Variants in FBXO11 observed in about 807,000 individuals in gnomAD.
FBXO11 encodes F-box only protein 11.
A neutral mutation model predicts 117.0 loss-of-function variants in FBXO11; 13 were observed. That is an observed-to-expected ratio of 0.11 (90% CI 0.07 to 0.18). FBXO11 has a LOEUF of 0.18. Ranked by LOEUF, FBXO11 falls within the 10% of genes least tolerant of loss-of-function variation. The pLI is 1.00. For missense variants in FBXO11, 767 were observed against 1,164.4 expected, an observed-to-expected ratio of 0.66 and a Z score of 4.97; for synonymous variants, 490 against 380.5, an observed-to-expected ratio of 1.29 and a Z score of -3.35.
chr2:47,841,730 T>G (rs1377304969), intron 1 of FBXO11, among the ~76,000 whole-genome samples: 1 of 152,122 alleles, frequency 6.6e-6, no homozygotes, highest in Non-Finnish European at 1.5e-5. Context: ...AACCTCCACC[T>G]CCTGGGTTCA....
At chr2:47,824,240 C>A (rs1466300763) in intron 11 of FBXO11, among the ~76,000 whole-genome samples, 1 of 152,192 alleles carries the variant, frequency 6.6e-6, no homozygotes, top group African/African-American at 2.4e-5. Context: ...GGCCTCCCAG[C>A]ACTTTGGAAG....
At chr2:47,853,409 T>C (rs966138019) in intron 1 of FBXO11, among the ~76,000 whole-genome samples, 1 of 152,206 alleles carries the variant, frequency 6.6e-6, no homozygotes, top group Non-Finnish European at 1.5e-5. Flanking sequence ...TTACATGTCA[T>C]ATTTTATTCA....
chr2:47,879,869 G>C (rs1045310505), intron 1 of FBXO11, among the ~76,000 whole-genome samples: 1 of 152,148 alleles, frequency 6.6e-6, no homozygotes, highest in Admixed American at 6.5e-5. Flanking sequence ...TTGTCTTTTT[G>C]TGACTGGCTT....
intron 1 of FBXO11, among the ~76,000 whole-genome samples, chr2:47,882,368 C>T (rs566452134): frequency 7.2e-5 from 11 of 152,202 alleles, no homozygotes; most frequent in African/African-American, 2.6e-4. Context: ...TGAAAGGAAT[C>T]TTTAAGATCT....
intron 1 of FBXO11, among the ~76,000 whole-genome samples, chr2:47,848,060 C>T (rs1453212411): frequency 1.3e-5 from 2 of 150,056 alleles, no homozygotes; most frequent in Non-Finnish European, 3.0e-5. Context: ...GGAGGTGGAG[C>T]TTGCAGTGAG....
intron 1 of FBXO11, among the ~76,000 whole-genome samples, chr2:47,843,375 A>T (rs1390040270): frequency 2.7e-5 from 4 of 150,172 alleles, no homozygotes; most frequent in African/African-American, 7.3e-5. Context: ...GTGGTGGTTT[A>T]TTCATTGGCT....
At chr2:47,852,958 C>A (rs370244771) in intron 1 of FBXO11, among the ~76,000 whole-genome samples, 36 of 152,098 alleles carry the variant, frequency 2.4e-4, no homozygotes, top group African/African-American at 8.7e-4. Flanking sequence ...CTCTTAATCT[C>A]TGTTATACAA....
intron 1 of FBXO11, among the ~76,000 whole-genome samples, chr2:47,863,218 T>C (rs1276489294): frequency 1.3e-5 from 2 of 152,182 alleles, no homozygotes; most frequent in African/African-American, 2.4e-5. Context: ...TATAGTAGTC[T>C]CAAGTTAAAA....
At chr2:47,857,714 C>T (rs541705395) in intron 1 of FBXO11, among the ~76,000 whole-genome samples, 3 of 152,196 alleles carry the variant, frequency 2.0e-5, no homozygotes, top group South Asian at 2.1e-4. Context: ...AGCTTTGTCA[C>T]GAGAAGTCAC....
intron 1 of FBXO11, among the ~76,000 whole-genome samples, chr2:47,898,373 C>G (rs1275786436): frequency 6.6e-6 from 1 of 152,106 alleles, no homozygotes; most frequent in African/African-American, 2.4e-5. Context: ...AGAAACACAC[C>G]AAACCATGGT....
chr2:47,880,361 G>A (rs1460026288), intron 1 of FBXO11, among the ~76,000 whole-genome samples: 2 of 152,084 alleles, frequency 1.3e-5, no homozygotes, highest in Admixed American at 6.5e-5. Context: ...ATTATAAGAA[G>A]ACTTCTACTT....
chr2:47,881,948 A>G (rs1676461526), intron 1 of FBXO11, among the ~76,000 whole-genome samples: 1 of 152,148 alleles, frequency 6.6e-6, no homozygotes, highest in Non-Finnish European at 1.5e-5. Flanking sequence ...GGGTTTCACC[A>G]TGATGGCCAG....
chr2:47,854,646 A>T (rs993882979), intron 1 of FBXO11, among the ~76,000 whole-genome samples: 4 of 152,204 alleles, frequency 2.6e-5, no homozygotes, highest in Middle Eastern at 3.4e-3. Context: ...AATTAATTAG[A>T]ATTATGTGGA....
At chr2:47,819,210 A>G (rs1671209785) in intron 14 of FBXO11, 132 bp from the exon 15 acceptor site, 1 of 787,120 alleles carries the variant, frequency 1.3e-6, no homozygotes, top group South Asian at 1.9e-5. Flanking sequence ...GGTAATGGCA[A>G]TATTCTTTTG....
At chr2:47,863,011 C>T (rs774156666) in intron 1 of FBXO11, among the ~76,000 whole-genome samples, 18 of 149,554 alleles carry the variant, frequency 1.2e-4, no homozygotes, top group South Asian at 8.4e-4. Flanking sequence ...GCTGAGATCG[C>T]GCCATCACAC....
chr2:47,843,431 C>CTT (rs201381675), intron 1 of FBXO11, among the ~76,000 whole-genome samples: 1 of 138,942 alleles, frequency 7.2e-6, no homozygotes, highest in Admixed American at 7.3e-5. Context: ...TGTAGTTAAT[C>CTT]TTTTTTTTTT....
At chr2:47,825,206 T>C (rs937155741) in intron 11 of FBXO11, among the ~76,000 whole-genome samples, 1 of 152,182 alleles carries the variant, frequency 6.6e-6, no homozygotes, top group African/African-American at 2.4e-5. Flanking sequence ...CAAAAGTAGT[T>C]TTCAGACTTC....
chr2:47,830,642 T>C (rs891404831), intron 11 of FBXO11, among the ~76,000 whole-genome samples: 2 of 152,200 alleles, frequency 1.3e-5, no homozygotes, highest in Admixed American at 1.3e-4. Context: ...GAAATATCTA[T>C]CTATAGCATT....
At chr2:47,856,541 G>C (rs961884745) in intron 1 of FBXO11, among the ~76,000 whole-genome samples, 3 of 152,148 alleles carry the variant, frequency 2.0e-5, no homozygotes, top group African/African-American at 7.2e-5. Flanking sequence ...GGAAAAACTT[G>C]AGGACATAAA....
Sources: gnomAD v4.1 joint callset for allele counts (sites outside exome capture counted in the v4.1 genomes callset) on GRCh38, gnomAD v4.1.1 for gene constraint, MANE v1.5 for transcripts, NCBI Gene and HGNC (gene_info 2026-07-23, HGNC 2026-07-21) for gene names.